Variants in PIGL observed in about 807,000 individuals in gnomAD.
The protein encoded by PIGL is N-acetylglucosaminyl-phosphatidylinositol de-N-acetylase.
PIGL carries 22 observed loss-of-function variants against 31.1 expected under a neutral mutation model. The observed-to-expected ratio is 0.71, with a 90% CI of 0.51 to 1.01. The LOEUF (loss-of-function observed/expected upper bound fraction) is 1.01. Ranked by LOEUF, PIGL falls within the 50% of genes least tolerant of loss-of-function variation. The pLI is 0.00. For synonymous variants in PIGL, 131 were observed against 117.4 expected (o/e 1.12, Z -0.75); for missense variants, 302 against 315.9 (o/e 0.96, Z 0.33).
At chr17:16,325,744 T>C in intron 6 of PIGL, 56 bp from the exon 7 acceptor site, 1 of 1,305,118 alleles carries the variant, frequency 7.7e-7, no homozygotes, top group South Asian at 1.2e-5. Context: ...GATCTGAAAG[T>C]AATGAAACAA....
At position 16,317,823 on chromosome 17, in the gene PIGL, TC is replaced by T; in HGVS notation, c.576del (p.Ser193ProfsTer52). On this transcript the variant is annotated frameshift_variant, in exon 6 of 7. Coordinates refer to ENST00000225609, the MANE Select transcript of PIGL (RefSeq NM_004278.4). LOFTEE classifies it high-confidence loss of function. ...LQSVNVLRKY[I>X]SLLDLPLSLL... ...TCTGTGAATGTGCTGCGCAAGTACA[TC>T]TCCCTTCTGGATCTGCCCTTGTCTC... 6.2e-7 allele frequency: 1 copy of T among 1,614,136 alleles called. No homozygotes were observed. Among genetic ancestry groups the T allele is most frequent in the Non-Finnish European group, 8.5e-7 (1 of 1,180,046 alleles).
At chr17:16,250,684 T>G (rs907803698) in intron 2 of PIGL, among the ~76,000 whole-genome samples, 2 of 152,162 alleles carry the variant, frequency 1.3e-5, no homozygotes, top group African/African-American at 4.8e-5. Flanking sequence ...TAACAGTAAA[T>G]ATAAAACTAC....
At chr17:16,258,400 G>A (rs1600789227) in intron 2 of PIGL, among the ~76,000 whole-genome samples, 1 of 151,712 alleles carries the variant, frequency 6.6e-6, no homozygotes, top group Middle Eastern at 3.4e-3. Flanking sequence ...GGCTGGTCTC[G>A]AACTCCTGAC....
chr17:16,257,235 G>A (rs1282453155), intron 2 of PIGL, among the ~76,000 whole-genome samples: 1 of 152,100 alleles, frequency 6.6e-6, no homozygotes, highest in Non-Finnish European at 1.5e-5. Flanking sequence ...TGGCCAACAT[G>A]GTGAAACCCC....
At chr17:16,255,835 T>TA (rs773880723) in intron 2 of PIGL, among the ~76,000 whole-genome samples, 5 of 152,186 alleles carry the variant, frequency 3.3e-5, no homozygotes, top group Non-Finnish European at 7.3e-5. Flanking sequence ...AGGGCTCTGG[T>TA]TCTCCCAAAG....
chr17:16,313,630 T>C lies in PIGL; in HGVS notation c.494+16T>C. On this transcript the variant is annotated intron_variant, in intron 4 of 6. Transcript: ENST00000225609. ...CAGCTGTGAGGTATGATTCTCCGGG[T>C]GATGGATGTGGGGGAGGGTTTGTTT... 1.9e-6 allele frequency: 3 copies of C among 1,592,820 alleles called. No homozygotes were observed. Among genetic ancestry groups the C allele is most frequent in the Non-Finnish European group, 1.7e-6 (2 of 1,160,732 alleles).
At chr17:16,325,100 CT>C (rs2093121495) in intron 6 of PIGL, among the ~76,000 whole-genome samples, 1 of 152,010 alleles carries the variant, frequency 6.6e-6, no homozygotes, top group African/African-American at 2.4e-5. Flanking sequence ...AATCCCAGCA[CT>C]TTGGGAGGCC....
At chr17:16,244,251 G>A (rs2092735100) in intron 2 of PIGL, among the ~76,000 whole-genome samples, 1 of 152,184 alleles carries the variant, frequency 6.6e-6, no homozygotes. Flanking sequence ...AAGGAGGTCT[G>A]CTTTGGGAAA....
chr17:16,274,471 C>A (rs567942798), intron 2 of PIGL, among the ~76,000 whole-genome samples: 1 of 152,166 alleles, frequency 6.6e-6, no homozygotes, highest in South Asian at 2.1e-4. Context: ...ACCTGTAATC[C>A]CAGCACTTTG....
chr17:16,293,621 T>C (rs1600833487), intron 2 of PIGL, among the ~76,000 whole-genome samples: 1 of 152,348 alleles, frequency 6.6e-6, no homozygotes, highest in East Asian at 1.9e-4. Flanking sequence ...CATCCAAATA[T>C]AGAGTACTTC....
At chr17:16,316,574 C>A in intron 4 of PIGL, 107 bp from the exon 5 acceptor site, 1 of 1,099,608 alleles carries the variant, frequency 9.1e-7, no homozygotes, top group Non-Finnish European at 1.3e-6. Flanking sequence ...TGGAGACTCA[C>A]ATGGAGGGGA....
At chr17:16,321,654 T>C (rs1031899928) in intron 6 of PIGL, among the ~76,000 whole-genome samples, 12 of 152,144 alleles carry the variant, frequency 7.9e-5, no homozygotes, top group Non-Finnish European at 1.8e-4. Context: ...CAATAGTGCA[T>C]TCGTTTTTGT....
chr17:16,324,020 G>A (rs1043303233), intron 6 of PIGL, among the ~76,000 whole-genome samples: 21 of 150,996 alleles, frequency 1.4e-4, no homozygotes, highest in Non-Finnish European at 1.5e-4. Context: ...GCGATGATGC[G>A]ATCTTGGCTC....
chr17:16,288,497 G>A (rs970901835), intron 2 of PIGL, among the ~76,000 whole-genome samples: 3 of 145,952 alleles, frequency 2.1e-5, no homozygotes, highest in Non-Finnish European at 3.0e-5. Flanking sequence ...GAGCCACTGC[G>A]TCCAGCCTAT....
At chr17:16,260,159 C>T (rs912482009) in intron 2 of PIGL, among the ~76,000 whole-genome samples, 1 of 152,160 alleles carries the variant, frequency 6.6e-6, no homozygotes, top group Non-Finnish European at 1.5e-5. Flanking sequence ...CTGCAGGCAC[C>T]CCTTGGCACA....
chr17:16,302,734 G>A (rs1211389040), intron 3 of PIGL, among the ~76,000 whole-genome samples: 1 of 152,008 alleles, frequency 6.6e-6, no homozygotes, highest in East Asian at 1.9e-4. Context: ...TGAGTAGCTG[G>A]GACTACAGGT....
intron 2 of PIGL, among the ~76,000 whole-genome samples, chr17:16,261,109 A>C (rs1397588468): frequency 7.7e-6 from 1 of 129,870 alleles, no homozygotes; most frequent in Non-Finnish European, 1.6e-5. Flanking sequence ...ACAGAGTGGG[A>C]CTCTATCTCA....
At position 16,267,923 on chromosome 17, in the gene PIGL, A is replaced by T. The variant is rs545129786; in HGVS notation, c.336-31965A>T. Among the ~76,000 whole-genome samples the T allele has an allele frequency of 2.0e-5, 3 of 151,896 alleles. No individual in the cohort carries two copies. In the East Asian group the frequency reaches 5.8e-4, roughly 30 times the overall value. On this transcript the variant is annotated intron_variant, in intron 2 of 6. Transcript: ENST00000225609. ...GTGGAGGCAGGCTCTGCTCTACTTA[A>T]CTCTACTCCAGGCAAGAGCAGACAA... is the stretch of plus-strand genomic sequence containing the variant.
intron 3 of PIGL, among the ~76,000 whole-genome samples, chr17:16,301,685 C>A (rs978755592): frequency 1.3e-5 from 2 of 151,672 alleles, no homozygotes; most frequent in African/African-American, 4.8e-5. Flanking sequence ...CATTCTCCTG[C>A]CTCAGCCTCC....
Sources: gnomAD v4.1 joint callset for allele counts (sites outside exome capture counted in the v4.1 genomes callset) on GRCh38, gnomAD v4.1.1 for gene constraint, MANE v1.5 for transcripts, NCBI Gene and HGNC (gene_info 2026-07-23, HGNC 2026-07-21) for gene names.